CDKL5: variants seen among roughly 807,000 people sequenced by gnomAD.
CDKL5 encodes cyclin-dependent kinase-like 5.
CDKL5 carries 8 observed loss-of-function variants against 61.7 expected under a neutral mutation model. The observed-to-expected ratio is 0.13, with a 90% CI of 0.08 to 0.23. The LOEUF (loss-of-function observed/expected upper bound fraction) is 0.23, where lower values mean the gene tolerates loss of function less well. CDKL5 is among the 10% of genes least tolerant of loss of function. The probability of loss-of-function intolerance (pLI) is 1.00; values close to 1 mark genes in which losing one functional copy is unlikely to be tolerated. For missense variants in CDKL5, 440 were observed against 734.5 expected (o/e 0.60, Z 4.63); for synonymous variants, 275 against 272.3 (o/e 1.01, Z -0.10).
intron 9 of CDKL5, among the ~76,000 whole-genome samples, chrX:18,592,965 G>A (rs1361304213): frequency 1.8e-5 from 2 of 112,116 alleles, no homozygotes; most frequent in Non-Finnish European, 3.8e-5. Context: ...GTGGTTCAAG[G>A]CCTGGTTCCG....
intron 9 of CDKL5, 42 bp from the exon 10 acceptor site, chrX:18,595,306 C>A: frequency 1.1e-6 from 1 of 947,827 alleles, no homozygotes; most frequent in South Asian, 1.9e-5. Context: ...ACACACATGT[C>A]CTTCCCCAAA....
chrX:18,645,754 C>T (rs569764545), intron 19 of CDKL5, among the ~76,000 whole-genome samples: 2 of 110,684 alleles, frequency 1.8e-5, no homozygotes, highest in Non-Finnish European at 3.8e-5. Context: ...AATATTTATC[C>T]GGCAGAGTCT....
intron 3 of CDKL5, among the ~76,000 whole-genome samples, chrX:18,562,380 A>G (rs750484479): frequency 8.0e-5 from 9 of 112,115 alleles, no homozygotes; most frequent in African/African-American, 2.9e-4. Flanking sequence ...ATAGCCATCC[A>G]TGAAAAATGG....
intron 1 of CDKL5, among the ~76,000 whole-genome samples, chrX:18,453,727 C>T (rs991543359): frequency 2.7e-5 from 3 of 111,558 alleles, no homozygotes. Flanking sequence ...GTTTCACATA[C>T]TTTGACTTAT....
At chrX:18,574,863 T>G (rs1569212824) in intron 4 of CDKL5, among the ~76,000 whole-genome samples, 1 of 112,173 alleles carries the variant, frequency 8.9e-6, no homozygotes, top group African/African-American at 3.2e-5. Context: ...AATAAAATGT[T>G]TTTTTAGGCC....
chrX:18,463,590 CAG>C (rs745407358), intron 1 of CDKL5, among the ~76,000 whole-genome samples: 17 of 111,828 alleles, frequency 1.5e-4, no homozygotes, highest in African/African-American at 4.5e-4. Flanking sequence ...ATTTGGGAAA[CAG>C]AATGTTTATA....
chrX:18,579,810 A>C (rs371642225), intron 5 of CDKL5, 38 bp from the exon 6 acceptor site: 1 of 1,181,365 alleles, frequency 8.5e-7, no homozygotes, highest in Middle Eastern at 2.3e-4. Flanking sequence ...TTACGGGCCT[A>C]CCTAATTTGG....
intron 1 of CDKL5, among the ~76,000 whole-genome samples, chrX:18,461,340 A>G (rs756255862): frequency 1.8e-5 from 2 of 112,561 alleles, no homozygotes; most frequent in Non-Finnish European, 3.7e-5. Context: ...AGGCATTTTT[A>G]CTGTCCGAGT....
rs564398635 is a variant in CDKL5, at chrX:18,518,469, A to G, written c.99+7615A>G. On this transcript the variant is annotated intron_variant, in intron 3 of 17. Transcript: ENST00000623535. The stretch of plus-strand genomic sequence containing the variant: ...CGCCAGGCTGGAGTGCAGTGGGACA[A>G]TCTCAGCTCACTGCAACCTCTGCCT... Among the ~76,000 whole-genome samples, 30 of 86,203 alleles carry G rather than the reference A, an allele frequency of 3.5e-4. No homozygotes were observed. In the South Asian group the frequency reaches 0.016, roughly 47 times the overall value. 74.9% of individuals were successfully genotyped at this position (86,203 alleles called of 115,157 possible).
At position 18,483,614 on chromosome X, in the gene CDKL5, G is replaced by T. The variant is rs1474953369; in HGVS notation, c.-162-23321G>T. On this transcript the variant is annotated intron_variant, in intron 1 of 17. Coordinates refer to ENST00000623535, the MANE Select transcript of CDKL5 (RefSeq NM_001323289.2). ...TTTTTGCAATTTTAGTAGAGACGGGGTTTCACCATGTTGGCCTGGCTGGTC... is the reference window on the plus strand; with the variant it reads ...TTTTTGCAATTTTAGTAGAGACGGGTTTTCACCATGTTGGCCTGGCTGGTC... Among the ~76,000 whole-genome samples the T allele has an allele frequency of 6.4e-5, 7 of 109,069 alleles. No homozygotes were observed. The Admixed American group carries it at 6.9e-4, about 11-fold the overall frequency. The allele number at this position is 109,069 out of a possible 115,157, so 94.7% of individuals were successfully genotyped here. A position where few individuals can be genotyped will look rare whatever the true frequency, so the allele number is the denominator to read the frequency against.
At chrX:18,640,799 A>T (rs778130202), downstream of CDKL5, 1 of 112,114 alleles carries the variant, frequency 8.9e-6, no homozygotes, top group East Asian at 2.8e-4. Flanking sequence ...CCTGCTCTCC[A>T]TATCCCTCTC....
At chrX:18,483,232 T>TAA (rs1296380067) in intron 1 of CDKL5, among the ~76,000 whole-genome samples, 1 of 111,663 alleles carries the variant, frequency 9.0e-6, no homozygotes, top group South Asian at 3.7e-4. Flanking sequence ...CATTAGCCTA[T>TAA]AAGTAGGTGG....
chrX:18,449,797 CTTT>C (rs752450258), intron 1 of CDKL5, among the ~76,000 whole-genome samples: 6 of 100,285 alleles, frequency 6.0e-5, no homozygotes, highest in Non-Finnish European at 2.0e-5. Flanking sequence ...TCCCTTAATT[CTTT>C]TTTTTTTTTT....
intron 16 of CDKL5, among the ~76,000 whole-genome samples, chrX:18,621,547 T>G (rs771396593): frequency 5.4e-4 from 61 of 111,941 alleles, no homozygotes; most frequent in Non-Finnish European, 1.0e-3. Flanking sequence ...TGGGGTTTTT[T>G]TTTGTTTGTT....
At chrX:18,652,960 T>C (rs1168868818) in intron 21 of CDKL5, among the ~76,000 whole-genome samples, 1 of 112,678 alleles carries the variant, frequency 8.9e-6, no homozygotes, top group Non-Finnish European at 1.9e-5. Flanking sequence ...GGCAGGCTTA[T>C]AAAGAATGCA....
At chrX:18,475,886 A>G (rs1921290053) in intron 1 of CDKL5, among the ~76,000 whole-genome samples, 1 of 112,243 alleles carries the variant, frequency 8.9e-6, no homozygotes, top group Non-Finnish European at 1.9e-5. Flanking sequence ...GTTTACTCAT[A>G]TAACAAATTT....
At chrX:18,531,853 C>A (rs1022281272) in intron 3 of CDKL5, among the ~76,000 whole-genome samples, 1 of 107,598 alleles carries the variant, frequency 9.3e-6, no homozygotes, top group Admixed American at 9.8e-5. Flanking sequence ...ACTACAGGCG[C>A]CTGCCACCGC....
Position 18,625,160 on chromosome X carries a change from G to C in CDKL5, c.2409G>C (p.Thr803=), listed in dbSNP as rs145401225. ...VPNSDSPDLL[T]LQKSIHSAST... Reference sequence around the variant, plus strand: ...ATTCCGACAGCCCTGATCTTCTGACGTTGCAGAAATCCATTCATTCTGCTA... The same window carrying C: ...ATTCCGACAGCCCTGATCTTCTGACCTTGCAGAAATCCATTCATTCTGCTA... The change falls in exon 17 of 18, where the codon ACG becomes ACC. Residue 803 remains threonine (T), a synonymous_variant. Coordinates refer to ENST00000623535, the MANE Select transcript of CDKL5 (RefSeq NM_001323289.2). The C allele has an allele frequency of 2.5e-6, 3 of 1,206,232 alleles. No individual in the cohort carries two copies. Among genetic ancestry groups the C allele is most frequent in the Non-Finnish European group, 3.4e-6 (3 of 892,078 alleles).
intron 10 of CDKL5, among the ~76,000 whole-genome samples, chrX:18,596,523 G>A (rs1926001416): frequency 8.9e-6 from 1 of 111,818 alleles, no homozygotes; most frequent in South Asian, 3.7e-4. Flanking sequence ...TAAAGCTCTA[G>A]TGTTCTTCTG....
Sources: allele counts gnomAD v4.1 joint callset (sites outside exome capture counted in the v4.1 genomes callset), GRCh38; gene constraint gnomAD v4.1.1; transcripts MANE v1.5; gene names NCBI Gene and HGNC (gene_info 2026-07-23, HGNC 2026-07-21).